The following KDM4A variants were observed in gnomAD, a reference collection of about 807,000 sequenced individuals.
KDM4A encodes the protein lysine demethylase 4A.
KDM4A carries 23 observed loss-of-function variants against 127.1 expected under a neutral mutation model. The observed-to-expected ratio is 0.18, with a 90% CI of 0.13 to 0.26. The LOEUF is 0.26. Ranked by LOEUF, KDM4A falls within the 10% of genes least tolerant of loss-of-function variation. The probability of loss-of-function intolerance (pLI) is 1.00; values close to 1 mark genes in which losing one functional copy is unlikely to be tolerated. For synonymous variants in KDM4A, 443 were observed against 466.5 expected (o/e 0.95, Z 0.65); for missense variants, 890 against 1,329.1 (o/e 0.67, Z 5.14).
chr1:43,685,884 T>C (rs774515733), intron 12 of KDM4A, among the ~76,000 whole-genome samples: 1 of 152,184 alleles, frequency 6.6e-6, no homozygotes, highest in Non-Finnish European at 1.5e-5. Context: ...TGTGTTCTTA[T>C]TCCAGCTCAG....
intron 18 of KDM4A, among the ~76,000 whole-genome samples, chr1:43,697,202 A>G (rs1661261105): frequency 6.6e-6 from 1 of 152,212 alleles, no homozygotes; most frequent in Non-Finnish European, 1.5e-5. Flanking sequence ...GGGGGCCAGC[A>G]TGGCTGGGGC....
intron 7 of KDM4A, 57 bp downstream of exon 7, chr1:43,666,612 T>C (rs901367262): frequency 7.2e-7 from 1 of 1,381,954 alleles, no homozygotes; most frequent in African/African-American, 1.4e-5. Context: ...GCCTTTGTTT[T>C]ACAGTTTTAT....
At chr1:43,678,245 AGGGTTGGTCTGT>A (rs1379674807) in intron 11 of KDM4A, among the ~76,000 whole-genome samples, 1 of 151,420 alleles carries the variant, frequency 6.6e-6, no homozygotes, top group Admixed American at 6.6e-5. Context: ...CTGGGGTGGG[AGGGTTGGTCTGT>A]GGGTGTGGGA....
At chr1:43,685,765 CAA>C (rs1660959841) in intron 12 of KDM4A, among the ~76,000 whole-genome samples, 2 of 19,770 alleles carry the variant, frequency 1.0e-4, no homozygotes, top group Admixed American at 3.1e-4. Flanking sequence ...GTCTCTGTCT[CAA>C]CAACAACAAC....
rs1156453682 is a variant in KDM4A at position 43,693,328 on chromosome 1, G to A, written c.2376-666G>A. Among the ~76,000 whole-genome samples the A allele has an allele frequency of 6.6e-6, 1 of 152,194 alleles. No homozygotes were observed. The highest frequency in any genetic ancestry group is 2.4e-5 in the African/African-American group (1 of 41,442). Reference sequence around the variant, plus strand: ...TTCCATGGAGCCCCAGTGTTGTCTGGTGTAGGTTTTCACGTAGCATGGTTT... The same window carrying A: ...TTCCATGGAGCCCCAGTGTTGTCTGATGTAGGTTTTCACGTAGCATGGTTT... On this transcript the variant is annotated intron_variant, in intron 16 of 21. Transcript: ENST00000372396. The surrounding 1 kb of genome is among the most constrained non-coding windows in gnomAD (Gnocchi z 4.2).
At chr1:43,704,209 G>T (rs1317049191) in intron 21 of KDM4A, 21 bp from the exon 22 acceptor site, 1 of 1,613,812 alleles carries the variant, frequency 6.2e-7, no homozygotes, top group Non-Finnish European at 8.5e-7. Context: ...GCTGACACTT[G>T]GCTTGCTTAT....
Position 43,691,522 on chromosome 1 carries a change from G to A in KDM4A, c.2269G>A (p.Ala757Thr). ...ASCYGVPPAK[A>T]SEDWMCSRCS... is the part of the protein sequence containing the mutation. ...TTGCTATGGGGTCCCCCCTGCAAAG[G>A]CTTCTGAAGACTGGATGTGTTCTCG... The change falls in exon 15 of 22, where the codon GCT becomes ACT. Residue 757 changes from alanine to threonine, a missense_variant. Physicochemically the swap from Ala to Thr is moderately conservative, Grantham distance 58 (BLOSUM62 0). Coordinates refer to ENST00000372396, the MANE Select transcript of KDM4A (RefSeq NM_014663.3). 1 of 1,613,982 alleles carries A rather than the reference G, an allele frequency of 6.2e-7. No homozygotes were observed. Among genetic ancestry groups the A allele is most frequent in the Non-Finnish European group, 8.5e-7 (1 of 1,179,982 alleles).
chr1:43,669,529 G>A (rs1660572269), intron 10 of KDM4A, among the ~76,000 whole-genome samples: 1 of 152,142 alleles, frequency 6.6e-6, no homozygotes, highest in African/African-American at 2.4e-5. Context: ...AACACTGGAG[G>A]TTTTGGTGAA....
chr1:43,688,834 A>T lies in KDM4A; in HGVS notation c.1856-80A>T. The T allele has an allele frequency of 1.5e-6, 2 of 1,304,564 alleles. No homozygotes were observed. Among genetic ancestry groups the T allele is most frequent in the Non-Finnish European group, 2.2e-6 (2 of 927,196 alleles). The allele number at this position is 1,304,564 out of a possible 1,614,324, so 80.8% of individuals were successfully genotyped here. ...GTCCAAACCTAGGATCAGGAGTCCT[A>T]GTGGAACTCATCTGTTCTCCAGGCA... On this transcript the variant is annotated intron_variant, in intron 12 of 21. Transcript: ENST00000372396. This position sits in a 1 kb window ranked among gnomAD's most constrained non-coding sequence, Gnocchi z 4.4.
intron 11 of KDM4A, among the ~76,000 whole-genome samples, chr1:43,672,904 T>C (rs1202126835): frequency 6.6e-6 from 1 of 152,200 alleles, no homozygotes; most frequent in Non-Finnish European, 1.5e-5. Context: ...TGGGATCAGA[T>C]GAGATGACCT....
At chr1:43,700,615 G>A (rs908289032) in intron 19 of KDM4A, among the ~76,000 whole-genome samples, 4 of 151,984 alleles carry the variant, frequency 2.6e-5, no homozygotes, top group Admixed American at 2.6e-4. Context: ...TAGAAATGGG[G>A]TCTTGCCATC....
At chr1:43,682,028 G>A (rs1042264908) in intron 11 of KDM4A, among the ~76,000 whole-genome samples, 10 of 152,192 alleles carry the variant, frequency 6.6e-5, no homozygotes, top group African/African-American at 2.4e-4. Flanking sequence ...GAGTGCAGTG[G>A]TGCAGTCTCA....
In KDM4A at chr1:43,656,419, C is replaced by T. The variant is rs376568926; in HGVS notation, c.314+653C>T. On this transcript the variant is annotated intron_variant, in intron 3 of 21. Coordinates refer to ENST00000372396, the MANE Select transcript of KDM4A (RefSeq NM_014663.3). ...GTGGAGTGATCTTGGCTCACTGCAACCTCTGTCTCCCAGGTTCACGTGATT... is the reference window on the plus strand; with the variant it reads ...GTGGAGTGATCTTGGCTCACTGCAATCTCTGTCTCCCAGGTTCACGTGATT... Among the ~76,000 whole-genome samples the T allele has an allele frequency of 2.9e-3, 383 of 130,718 alleles. 3 individuals carry two copies. The Middle Eastern group carries it at 0.048, about 17-fold the overall frequency. 85.8% of individuals were successfully genotyped at this position (130,718 alleles called of 152,430 possible). A position where few individuals can be genotyped will look rare whatever the true frequency, so the allele number is the denominator to read the frequency against.
Position 43,669,124 on chromosome 1 carries a change from A to G in KDM4A, c.1188A>G (p.Thr396=), listed in dbSNP as rs754363376. The G allele has an allele frequency of 5.6e-6, 9 of 1,614,116 alleles. No individual in the cohort carries two copies. In the African/African-American group the frequency reaches 1.2e-4, roughly 22 times the overall value. The stretch of plus-strand genomic sequence containing the variant: ...GCCTGGCCAAGCACCGAATAGGGAC[A>G]AAGAGGCACCGAGTTTGTCTTGAAA... ...KTSLAKHRIG[T]KRHRVCLEIP... The change falls in exon 10 of 22, where the codon ACA becomes ACG. Residue 396 remains threonine (T), a synonymous_variant. Transcript: ENST00000372396.
chr1:43,703,802 C>A, intron 20 of KDM4A, 66 bp downstream of exon 20: 2 of 1,595,780 alleles, frequency 1.3e-6, no homozygotes, highest in Non-Finnish European at 1.7e-6. Context: ...TCCTGTTGGG[C>A]CAGAGGCGAG....
At position 43,688,780 on chromosome 1, in the gene KDM4A, C is replaced by A; in HGVS notation, c.1856-134C>A. ...AGTTGCTTCCACCCTTTGCCTTTAT[C>A]ATCCTTAGGAATTCAGGAGTCACCC... is the stretch of plus-strand genomic sequence containing the variant. On this transcript the variant is annotated intron_variant, in intron 12 of 21. Transcript: ENST00000372396. The surrounding 1 kb of genome is among the most constrained non-coding windows in gnomAD (Gnocchi z 4.4). 1 of 723,830 alleles carries A rather than the reference C, an allele frequency of 1.4e-6. No individual in the cohort carries two copies. Among genetic ancestry groups the A allele is most frequent in the Non-Finnish European group, 2.3e-6 (1 of 443,768 alleles). The allele number at this position is 723,830 out of a possible 1,614,324, so 44.8% of individuals were successfully genotyped here. A position where few individuals can be genotyped will look rare whatever the true frequency, so the allele number is the denominator to read the frequency against.
At chr1:43,680,653 T>C (rs1660836311) in intron 11 of KDM4A, among the ~76,000 whole-genome samples, 1 of 152,246 alleles carries the variant, frequency 6.6e-6, no homozygotes, top group African/African-American at 2.4e-5. Flanking sequence ...CCAGCCTCCC[T>C]GGGCTGCCCA....
At chr1:43,692,042 G>A (rs1334803749) in intron 15 of KDM4A, among the ~76,000 whole-genome samples, 2 of 152,262 alleles carry the variant, frequency 1.3e-5, no homozygotes, top group African/African-American at 2.4e-5. Flanking sequence ...AGAGGATTAT[G>A]TGAAGTCACG....
chr1:43,677,858 A>C (rs181226885), intron 11 of KDM4A, among the ~76,000 whole-genome samples: 1 of 152,338 alleles, frequency 6.6e-6, no homozygotes, highest in African/African-American at 2.4e-5. Flanking sequence ...CTTCTACTTC[A>C]GGAAAGGAGG....
Sources: gnomAD v4.1 joint callset for allele counts (sites outside exome capture counted in the v4.1 genomes callset) on GRCh38, gnomAD v4.1.1 for gene constraint, Gnocchi (gnomAD v3.1) non-coding constraint, MANE v1.5 for transcripts, NCBI Gene and HGNC (gene_info 2026-07-23, HGNC 2026-07-21) for gene names.